The following AGBL3 variants were observed in gnomAD, a reference collection of about 807,000 sequenced individuals.
AGBL3 encodes AGBL carboxypeptidase 3, also known as cytosolic carboxypeptidase 3.
A neutral mutation model predicts 94.5 loss-of-function variants in AGBL3; 68 were observed. That is an observed-to-expected ratio of 0.72 (90% CI 0.59 to 0.88). The LOEUF is 0.88. Among genes scored for constraint, AGBL3 ranks in the 40% least tolerant of loss-of-function variants. AGBL3 has a pLI of 0.00. For synonymous variants in AGBL3, 354 were observed against 370.7 expected, an observed-to-expected ratio of 0.95 and a Z score of 0.52; for missense variants, 934 against 1,103.8, an observed-to-expected ratio of 0.85 and a Z score of 2.18.
Position 135,032,455 on chromosome 7 carries a change from C to T in AGBL3, c.419-389C>T, listed in dbSNP as rs190914802. ...GGGTAGCTGGGACTACAGGCACGTG[C>T]CACCACACCTGGCTAATTTTTTTTT... is the stretch of plus-strand genomic sequence containing the variant. On this transcript the variant is annotated intron_variant, in intron 5 of 16. Coordinates refer to ENST00000436302, the MANE Select transcript of AGBL3 (RefSeq NM_178563.4). Among the ~76,000 whole-genome samples the T allele has an allele frequency of 1.2e-3, 186 of 150,976 alleles. 3 individuals carry two copies. The East Asian group carries it at 0.029, about 24-fold the overall frequency.
intron 16 of AGBL3, among the ~76,000 whole-genome samples, chr7:135,132,750 A>G (rs779019202): frequency 1.3e-5 from 2 of 152,180 alleles, no homozygotes; most frequent in Non-Finnish European, 2.9e-5. Flanking sequence ...CATGTAAGAC[A>G]TGACTTTGCT....
intron 4 of AGBL3, among the ~76,000 whole-genome samples, chr7:135,003,360 T>C (rs1380774181): frequency 6.6e-6 from 1 of 152,082 alleles, no homozygotes; most frequent in Non-Finnish European, 1.5e-5. Flanking sequence ...TGAAACTCTA[T>C]TACTATAGCT....
intron 8 of AGBL3, among the ~76,000 whole-genome samples, chr7:135,042,213 G>A (rs1234729501): frequency 6.6e-6 from 1 of 152,080 alleles, no homozygotes; most frequent in Non-Finnish European, 1.5e-5. Flanking sequence ...ATATAAACCT[G>A]TACACACAAA....
At chr7:135,107,501 A>C (rs538051002) in intron 15 of AGBL3, among the ~76,000 whole-genome samples, 2 of 152,294 alleles carry the variant, frequency 1.3e-5, no homozygotes, top group South Asian at 4.1e-4. Flanking sequence ...CATGTTGTTT[A>C]GTTTCCCTGT....
At chr7:135,033,061 T>C in intron 6 of AGBL3, 79 bp downstream of exon 6, 1 of 1,349,032 alleles carries the variant, frequency 7.4e-7, no homozygotes, top group Non-Finnish European at 9.8e-7. Context: ...AAGTTCTTAG[T>C]ATCCATTATG....
chr7:135,126,412 T>C (rs1827875686), intron 16 of AGBL3, among the ~76,000 whole-genome samples: 1 of 152,196 alleles, frequency 6.6e-6, no homozygotes, highest in Admixed American at 6.5e-5. Context: ...CGGAAAAACA[T>C]TCCATCCTCG....
At chr7:135,106,814 T>C (rs1824796533) in intron 15 of AGBL3, among the ~76,000 whole-genome samples, 2 of 152,236 alleles carry the variant, frequency 1.3e-5, no homozygotes, top group Non-Finnish European at 2.9e-5. Flanking sequence ...GTACATCTGA[T>C]TGAATTCAGC....
intron 4 of AGBL3, among the ~76,000 whole-genome samples, chr7:135,000,307 T>C (rs781725549): frequency 2.1e-4 from 32 of 152,226 alleles, no homozygotes; most frequent in Non-Finnish European, 4.0e-4. Context: ...AGGGTGTTTC[T>C]GGAATAGATT....
At chr7:135,046,882 GCTTTT>G (rs1817414918) in intron 11 of AGBL3, among the ~76,000 whole-genome samples, 1 of 151,946 alleles carries the variant, frequency 6.6e-6, no homozygotes, top group Admixed American at 6.6e-5. Flanking sequence ...ATGTTTCGTG[GCTTTT>G]CTTCTTCCAG....
chr7:135,127,071 G>C (rs1354190219), intron 16 of AGBL3, among the ~76,000 whole-genome samples: 1 of 152,176 alleles, frequency 6.6e-6, no homozygotes, highest in Non-Finnish European at 1.5e-5. Flanking sequence ...CAGCATCAGA[G>C]TGAACAGGCA....
chr7:135,135,289 T>C lies in AGBL3; in HGVS notation c.*28T>C. 1 of 1,449,896 alleles carries C rather than the reference T, an allele frequency of 6.9e-7. No homozygotes were observed. The highest frequency in any genetic ancestry group is 9.1e-7 in the Non-Finnish European group (1 of 1,095,250). The allele number at this position is 1,449,896 out of a possible 1,614,324, so 89.8% of individuals were successfully genotyped here. On this transcript the variant is annotated 3_prime_UTR_variant, in exon 17 of 17. Coordinates refer to ENST00000436302, the MANE Select transcript of AGBL3 (RefSeq NM_178563.4). ...TAGCTTTATACTGCTCTGAGAACTG[T>C]GAATGAAGGATAACATATGCTTATG... is the stretch of plus-strand genomic sequence containing the variant.
chr7:135,065,065 A>G (rs1819166037), intron 12 of AGBL3, among the ~76,000 whole-genome samples: 1 of 152,166 alleles, frequency 6.6e-6, no homozygotes, highest in Non-Finnish European at 1.5e-5. Flanking sequence ...TCCTCACTAT[A>G]CTAAGTCTGG....
At chr7:135,087,843 A>T (rs1342801550) in intron 15 of AGBL3, among the ~76,000 whole-genome samples, 1 of 152,048 alleles carries the variant, frequency 6.6e-6, no homozygotes, top group African/African-American at 2.4e-5. Context: ...ATTTGTTCTA[A>T]AGTGCAGTTT....
In AGBL3 at chr7:135,034,663, A is replaced by AT. The variant is rs1446461209; in HGVS notation, c.1074dup (p.Leu359SerfsTer29). The AT allele has an allele frequency of 2.7e-5, 42 of 1,551,508 alleles. No homozygotes were observed. Among genetic ancestry groups the AT allele is most frequent in the Middle Eastern group, 1.7e-4 (1 of 6,014 alleles). ...TGACTCAAGAAAGCGGAAGGCTGTGATTCTGACTGCAAGGGTCCATCCAGG... is the reference window on the plus strand; with the variant it reads ...TGACTCAAGAAAGCGGAAGGCTGTGATTTCTGACTGCAAGGGTCCATCCAGG... On this transcript the variant is annotated frameshift_variant, in exon 7 of 17. Transcript: ENST00000436302. LOFTEE classifies it high-confidence loss of function.
chr7:135,006,571 G>A (rs1230493977), intron 4 of AGBL3, among the ~76,000 whole-genome samples: 2 of 151,854 alleles, frequency 1.3e-5, no homozygotes, highest in Admixed American at 6.6e-5. Flanking sequence ...GGCTTATCCT[G>A]GCAATTACTT....
chr7:135,121,552 GA>G (rs76824052), intron 16 of AGBL3, among the ~76,000 whole-genome samples: 627 of 123,540 alleles, frequency 5.1e-3, no homozygotes, highest in East Asian at 0.016. Context: ...AGGGTAATAG[GA>G]AAAAAAAAAA....
Position 135,135,495 on chromosome 7 carries a change from T to A in AGBL3, c.*234T>A. 3.2e-6 allele frequency: 1 copy of A among 312,298 alleles called. No individual in the cohort carries two copies. Among genetic ancestry groups the A allele is most frequent in the Middle Eastern group, 8.2e-4 (1 of 1,224 alleles). 19.3% of individuals were successfully genotyped at this position (312,298 alleles called of 1,614,324 possible). On this transcript the variant is annotated 3_prime_UTR_variant, in exon 17 of 17. Coordinates refer to ENST00000436302, the MANE Select transcript of AGBL3 (RefSeq NM_178563.4). ...AAATATTAAAGCAGATATTTATATTTAGTTTTTATCAGCATGGAAAAAAAT... is the reference window on the plus strand; with the variant it reads ...AAATATTAAAGCAGATATTTATATTAAGTTTTTATCAGCATGGAAAAAAAT...
chr7:135,063,574 T>C (rs541384795), intron 12 of AGBL3, among the ~76,000 whole-genome samples: 1 of 152,220 alleles, frequency 6.6e-6, no homozygotes, highest in Non-Finnish European at 1.5e-5. Context: ...ATGTTGTATT[T>C]CCATTTTTGT....
At chr7:135,115,877 T>C (rs530251461) in intron 16 of AGBL3, 1 of 344,988 alleles carries the variant, frequency 2.9e-6, no homozygotes, top group East Asian at 5.3e-5. Context: ...ATAAATAAAG[T>C]ATGATTATAG....
Sources: allele counts gnomAD v4.1 joint callset (sites outside exome capture counted in the v4.1 genomes callset), GRCh38; gene constraint gnomAD v4.1.1; transcripts MANE v1.5; gene names NCBI Gene and HGNC (gene_info 2026-07-23, HGNC 2026-07-21).